Variants in TBC1D5 observed in about 807,000 individuals in gnomAD.
The protein encoded by TBC1D5 is TBC1 domain family, member 5.
A neutral mutation model predicts 100.3 loss-of-function variants in TBC1D5; 75 were observed. The observed-to-expected ratio is 0.75, with a 90% CI of 0.62 to 0.91. TBC1D5 has a LOEUF of 0.91. TBC1D5 is among the 40% of genes least tolerant of loss of function. The probability of loss-of-function intolerance (pLI) is 0.00; values close to 1 mark genes in which losing one functional copy is unlikely to be tolerated. For synonymous variants in TBC1D5, 323 were observed against 325.6 expected, an observed-to-expected ratio of 0.99 and a Z score of 0.09; for missense variants, 910 against 942.4, an observed-to-expected ratio of 0.97 and a Z score of 0.45.
chr3:17,394,762 C>T lies in TBC1D5; in HGVS notation c.509+8419G>A, dbSNP rs532617093. ...TGGACAAATATACCTACAAACCTTACAAACAACCAAACCTTTGAGGAAAAT... is the reference window on the plus strand; with the variant it reads ...TGGACAAATATACCTACAAACCTTATAAACAACCAAACCTTTGAGGAAAAT... On this transcript the variant is annotated intron_variant, in intron 8 of 21. Coordinates refer to ENST00000253692, the Ensembl canonical transcript of TBC1D5. 3.3e-5 allele frequency among the ~76,000 whole-genome samples: 5 copies of T among 152,070 alleles called. No homozygotes were observed. In the South Asian group the frequency reaches 1.0e-3, roughly 31 times the overall value.
intron 18 of TBC1D5, among the ~76,000 whole-genome samples, chr3:17,192,020 G>T (rs1027274906): frequency 6.6e-6 from 1 of 151,974 alleles, no homozygotes; most frequent in African/African-American, 2.4e-5. Context: ...GGTAAACAAT[G>T]ATTCTGATTT....
Position 17,615,189 on chromosome 3 carries a change from T to C in TBC1D5, c.-36+8660A>G, listed in dbSNP as rs549914622. On this transcript the variant is annotated intron_variant, in intron 2 of 21. Transcript: ENST00000253692. ...CTGTTTATGTGATGAATTACTTTTATTGACTTGTGTATGTTGAACCAGCCT... is the reference window on the plus strand; with the variant it reads ...CTGTTTATGTGATGAATTACTTTTACTGACTTGTGTATGTTGAACCAGCCT... Among the ~76,000 whole-genome samples, 3 of 152,316 alleles carry C rather than the reference T, an allele frequency of 2.0e-5. No homozygotes were observed. The East Asian group carries it at 5.8e-4, about 29-fold the overall frequency.
At chr3:17,275,046 T>C (rs944660852) in intron 15 of TBC1D5, among the ~76,000 whole-genome samples, 1 of 152,296 alleles carries the variant, frequency 6.6e-6, no homozygotes, top group East Asian at 1.9e-4. Flanking sequence ...GAAGCAACCA[T>C]GGAGTAAAAA....
At chr3:17,352,439 A>G (rs1311236724) in intron 13 of TBC1D5, among the ~76,000 whole-genome samples, 1 of 152,008 alleles carries the variant, frequency 6.6e-6, no homozygotes, top group Non-Finnish European at 1.5e-5. Flanking sequence ...TTAAAATAAA[A>G]GAAGAGAAAT....
At chr3:17,172,552 C>T (rs1243151896) in intron 19 of TBC1D5, among the ~76,000 whole-genome samples, 3 of 152,170 alleles carry the variant, frequency 2.0e-5, no homozygotes, top group African/African-American at 7.2e-5. Flanking sequence ...TTATAATCTC[C>T]TCACATTTAA....
intron 2 of TBC1D5, among the ~76,000 whole-genome samples, chr3:17,516,546 A>G (rs2095990778): frequency 6.6e-6 from 1 of 152,216 alleles, no homozygotes; most frequent in Non-Finnish European, 1.5e-5. Flanking sequence ...AATCCTTGAT[A>G]CATCACTTCT....
intron 1 of TBC1D5, among the ~76,000 whole-genome samples, chr3:17,732,866 T>C (rs555920981): frequency 1.3e-5 from 2 of 152,286 alleles, no homozygotes; most frequent in African/African-American, 2.4e-5. Context: ...CTTTAATCAA[T>C]ACTTTGCCAC....
intron 18 of TBC1D5, among the ~76,000 whole-genome samples, chr3:17,187,024 ACT>A (rs1449046301): frequency 6.6e-6 from 1 of 151,836 alleles, no homozygotes; most frequent in Non-Finnish European, 1.5e-5. Flanking sequence ...CTTTTTTTCT[ACT>A]CTTTTTCTCA....
intron 13 of TBC1D5, among the ~76,000 whole-genome samples, chr3:17,328,547 C>T (rs905681420): frequency 2.0e-5 from 3 of 152,204 alleles, no homozygotes; most frequent in African/African-American, 4.8e-5. Flanking sequence ...CTGGGACTCA[C>T]TTCTAATCAC....
intron 8 of TBC1D5, among the ~76,000 whole-genome samples, chr3:17,388,533 T>C (rs1226300728): frequency 1.3e-5 from 2 of 151,864 alleles, no homozygotes; most frequent in African/African-American, 2.4e-5. Context: ...TGTGTATCTC[T>C]AAAAGATAAG....
At chr3:17,427,817 C>T (rs1294679021) in intron 4 of TBC1D5, among the ~76,000 whole-genome samples, 2 of 151,908 alleles carry the variant, frequency 1.3e-5, no homozygotes, top group African/African-American at 2.4e-5. Flanking sequence ...ATCTTTCTTA[C>T]TCCTGAGTTT....
At chr3:17,656,086 G>A (rs2066034315) in intron 1 of TBC1D5, among the ~76,000 whole-genome samples, 1 of 152,194 alleles carries the variant, frequency 6.6e-6, no homozygotes, top group South Asian at 2.1e-4. Context: ...ACATCTTTCA[G>A]ATTAAAGGAG....
intron 2 of TBC1D5, among the ~76,000 whole-genome samples, chr3:17,609,530 A>G (rs1429720653): frequency 6.6e-6 from 1 of 152,140 alleles, no homozygotes; most frequent in Non-Finnish European, 1.5e-5. Context: ...TTCTAATGTC[A>G]CCACTTTATG....
At chr3:17,255,245 G>A (rs1354162350) in intron 16 of TBC1D5, among the ~76,000 whole-genome samples, 3 of 152,114 alleles carry the variant, frequency 2.0e-5, no homozygotes, top group Non-Finnish European at 4.4e-5. Flanking sequence ...CTGTCGCCCA[G>A]GCTGGAATGC....
At chr3:17,291,232 T>A (rs1049603058) in intron 15 of TBC1D5, among the ~76,000 whole-genome samples, 20 of 152,232 alleles carry the variant, frequency 1.3e-4, no homozygotes, top group Non-Finnish European at 2.6e-4. Context: ...GTAGCAAGGA[T>A]TCACAGATTT....
At chr3:17,403,931 A>G (rs2093706620) in intron 7 of TBC1D5, among the ~76,000 whole-genome samples, 1 of 152,170 alleles carries the variant, frequency 6.6e-6, no homozygotes, top group Non-Finnish European at 1.5e-5. Flanking sequence ...CCGCAGCTTG[A>G]ACCTGACCTG....
At chr3:17,248,440 T>C (rs962571594) in intron 16 of TBC1D5, among the ~76,000 whole-genome samples, 6 of 152,234 alleles carry the variant, frequency 3.9e-5, no homozygotes, top group African/African-American at 1.4e-4. Flanking sequence ...TGGTAAATCC[T>C]TTCCAGATGG....
chr3:17,403,275 A>G lies in TBC1D5; in HGVS notation c.442-27T>C, dbSNP rs548205088. On this transcript the variant is annotated intron_variant, in intron 7 of 21. Transcript: ENST00000253692. ...TGAAATAAGGAAAACAATCTATTAT[A>G]TAGTCTCACACCTTTGTTTTACTTT... The G allele has an allele frequency of 6.4e-5, 95 of 1,493,960 alleles. 3 individuals carry two copies. The South Asian group carries it at 1.1e-3, about 17-fold the overall frequency. The allele number at this position is 1,493,960 out of a possible 1,614,324, so 92.5% of individuals were successfully genotyped here.
intron 17 of TBC1D5, among the ~76,000 whole-genome samples, chr3:17,231,641 T>C (rs2075429843): frequency 1.3e-5 from 2 of 152,096 alleles, no homozygotes; most frequent in Admixed American, 6.6e-5. Context: ...TAAGCATAGA[T>C]AGAATTTTTT....
Sources: gnomAD v4.1 joint callset for allele counts (sites outside exome capture counted in the v4.1 genomes callset) on GRCh38, gnomAD v4.1.1 for gene constraint, MANE v1.5 for transcripts, NCBI Gene and HGNC (gene_info 2026-07-23, HGNC 2026-07-21) for gene names.